PRR13: variants seen among roughly 807,000 people sequenced by gnomAD.
PRR13 encodes the protein proline rich 13, also known as proline-rich protein 13.
A neutral mutation model predicts 11.5 loss-of-function variants in PRR13; 7 were observed. That is an observed-to-expected ratio of 0.61 (90% CI 0.34 to 1.14). The LOEUF is 1.14. Ranked by LOEUF, PRR13 falls within the 50% of genes most tolerant of loss-of-function variation. PRR13 has a pLI of 0.03. For synonymous variants in PRR13, 53 were observed against 67.8 expected, an observed-to-expected ratio of 0.78 and a Z score of 1.07; for missense variants, 155 against 194.4, an observed-to-expected ratio of 0.80 and a Z score of 1.21.
chr12:53,443,475 C>G lies in PRR13; in HGVS notation c.104C>G (p.Pro35Arg), dbSNP rs1380823579. Residue 35 changes from proline to arginine, a missense_variant, in exon 3 of 4, where the codon CCC (proline) becomes CGC (arginine). Physicochemically the swap from Pro to Arg is moderately radical, Grantham distance 103. Transcript: ENST00000429243. ...NPAHPPPINP[P>R]FPPGPCPPPP... Reference sequence around the variant, plus strand: ...GCCCACCCACCACCTATTAATCCACCCTTTCCCCCAGGCCCCTGTCCTCCT... The same window carrying G: ...GCCCACCCACCACCTATTAATCCACGCTTTCCCCCAGGCCCCTGTCCTCCT... 6.9e-7 allele frequency: 1 copy of G among 1,450,520 alleles called. No homozygotes were observed. The highest frequency in any genetic ancestry group is 9.1e-7 in the Non-Finnish European group (1 of 1,097,700). The allele number at this position is 1,450,520 out of a possible 1,614,324, so 89.9% of individuals were successfully genotyped here.
At position 53,446,108 on chromosome 12, in the gene PRR13, A is replaced by G. The variant is rs754490693; in HGVS notation, c.*49A>G. On this transcript the variant is annotated 3_prime_UTR_variant, in exon 4 of 4. Coordinates refer to ENST00000429243, the MANE Select transcript of PRR13 (RefSeq NM_018457.4). Reference sequence around the variant, plus strand: ...CAAGTCTCACCAGTTCTGCTCTCCCATCAAGCTTCAGATGCCATGTTGTAC... The same window carrying G: ...CAAGTCTCACCAGTTCTGCTCTCCCGTCAAGCTTCAGATGCCATGTTGTAC... 7.5e-6 allele frequency: 12 copies of G among 1,610,350 alleles called. No homozygotes were observed. Among genetic ancestry groups the G allele is most frequent in the East Asian group, 6.7e-5 (3 of 44,870 alleles).
intron 2 of PRR13, 80 bp downstream of exon 2, chr12:53,442,813 C>T: frequency 3.4e-6 from 5 of 1,479,346 alleles, no homozygotes; most frequent in Non-Finnish European, 4.7e-6. Flanking sequence ...TATCAGCTCC[C>T]CTACCCCCGA....
intron 3 of PRR13, among the ~76,000 whole-genome samples, chr12:53,445,364 A>G (rs1000542752): frequency 1.3e-5 from 2 of 150,588 alleles, no homozygotes; most frequent in Non-Finnish European, 1.5e-5. Flanking sequence ...AAAAAAAAAA[A>G]GGTCTGAAGA....
chr12:53,443,277 G>T, intron 2 of PRR13, 114 bp from the exon 3 acceptor site: 3 of 1,146,742 alleles, frequency 2.6e-6, no homozygotes, highest in South Asian at 3.0e-5. Flanking sequence ...ATTCTTCTTT[G>T]TCATCTTTCC....
rs755065770 is a variant in PRR13, at chr12:53,443,555, C to T, written c.184C>T (p.Pro62Ser). 175 of 1,595,632 alleles carry T rather than the reference C, an allele frequency of 1.1e-4. No homozygotes were observed. Among genetic ancestry groups the T allele is most frequent in the South Asian group, 5.3e-4 (48 of 89,972 alleles). Residue 62 changes from proline to serine, a missense_variant, in exon 3 of 4, where the codon CCT becomes TCT. By Grantham distance (74) the Pro-to-Ser change is moderately conservative. Transcript: ENST00000429243. The stretch of plus-strand genomic sequence containing the variant: ...TTTCCCCCCAGGTGGGCCCCCTCAT[C>T]CTGTGCCACAGCCAGGGTATCCAGG... Reference protein sequence around the residue: ...PAFPPGGPPHPVPQPGYPGCQ... With the variant: ...PAFPPGGPPHSVPQPGYPGCQ...
intron 3 of PRR13, 100 bp downstream of exon 3, chr12:53,443,873 G>A (rs1302103733): frequency 2.2e-6 from 3 of 1,354,474 alleles, no homozygotes; most frequent in African/African-American, 1.5e-5. Context: ...GTGGACGTGA[G>A]GGATGACAAT....
chr12:53,443,547 C>T lies in PRR13; in HGVS notation c.176C>T (p.Pro59Leu). ...HGNPAFPPGGPPHPVPQPGYP... is the reference protein window; with the variant it reads ...HGNPAFPPGGLPHPVPQPGYP... ...AATCCAGCTTTCCCCCCAGGTGGGC[C>T]CCCTCATCCTGTGCCACAGCCAGGG... Residue 59 changes from proline to leucine, a missense_variant, in exon 3 of 4, where the codon CCC (proline) becomes CTC (leucine). Transcript: ENST00000429243. 2 of 1,578,150 alleles carry T rather than the reference C, an allele frequency of 1.3e-6. No homozygotes were observed. Among genetic ancestry groups the T allele is most frequent in the African/African-American group, 1.4e-5 (1 of 73,780 alleles).
In PRR13 at chr12:53,442,544, G is replaced by A. The variant is rs1940313975; in HGVS notation, c.-20-151G>A. ...AGGCGTGAGCCACCGCGCCCAGCCA[G>A]AAAAGAGACATTTCTTATGTGGAAG... On this transcript the variant is annotated intron_variant, in intron 1 of 3. Transcript: ENST00000429243. The A allele has an allele frequency of 1.9e-5, 13 of 672,748 alleles. No individual in the cohort carries two copies. The South Asian group carries it at 2.3e-4, about 12-fold the overall frequency. The allele number at this position is 672,748 out of a possible 1,614,324, so 41.7% of individuals were successfully genotyped here.
chr12:53,446,147 C>T lies in PRR13; in HGVS notation c.*88C>T. The T allele has an allele frequency of 6.3e-7, 1 of 1,597,318 alleles. No individual in the cohort carries two copies. On this transcript the variant is annotated 3_prime_UTR_variant, in exon 4 of 4. Transcript: ENST00000429243. ...GCCATGTTGTACTGGGGGAATGTAG[C>T]CCTTGTGCTCCCCACCCCCTACCTC...
chr12:53,442,821 C>T (rs1369498727), intron 2 of PRR13, 88 bp downstream of exon 2: 4 of 1,413,286 alleles, frequency 2.8e-6, no homozygotes, highest in Non-Finnish European at 4.0e-6. Context: ...CCCCTACCCC[C>T]GACCTGCTGT....
At chr12:53,445,117 C>T (rs920284445) in intron 3 of PRR13, among the ~76,000 whole-genome samples, 3 of 151,932 alleles carry the variant, frequency 2.0e-5, no homozygotes, top group Non-Finnish European at 4.4e-5. Context: ...TTTGGGATTC[C>T]GGGGCGGGCG....
chr12:53,444,518 A>T (rs1302931563), intron 3 of PRR13, among the ~76,000 whole-genome samples: 1 of 152,034 alleles, frequency 6.6e-6, no homozygotes, highest in Non-Finnish European at 1.5e-5. Context: ...TTTAGTAGAG[A>T]TGGGGTTTCA....
At chr12:53,445,883 C>T (rs1488810171) in intron 3 of PRR13, 132 bp from the exon 4 acceptor site, 3 of 1,343,122 alleles carry the variant, frequency 2.2e-6, no homozygotes, top group Non-Finnish European at 3.2e-6. Context: ...CTGTTCAAGA[C>T]TCCTGACCTT....
Position 53,442,714 on chromosome 12 carries a change from C to A in PRR13, c.-1C>A. On this transcript the variant is annotated 5_prime_UTR_variant, in exon 2 of 4. Transcript: ENST00000429243. ...CCTCAGGCTGGAGGACACACCTAAA[C>A]ATGTGGAATCCCAATGCCGGTAGGT... is the stretch of plus-strand genomic sequence containing the variant. The A allele has an allele frequency of 6.2e-7, 1 of 1,610,684 alleles. No individual in the cohort carries two copies. Among genetic ancestry groups the A allele is most frequent in the South Asian group, 1.1e-5 (1 of 90,996 alleles).
At chr12:53,441,991 T>G (rs1940301199) in intron 1 of PRR13, 199 bp downstream of exon 1, 2 of 606,370 alleles carry the variant, frequency 3.3e-6, no homozygotes, top group Non-Finnish European at 5.8e-6. Context: ...TTTTTTAGCC[T>G]GAGGTGGGGT....
Position 53,446,059 on chromosome 12 carries a change from A to G in PRR13, c.447A>G (p.Ter149TrpextTer29). 6.3e-7 allele frequency: 1 copy of G among 1,599,680 alleles called. No homozygotes were observed. The highest frequency in any genetic ancestry group is 8.5e-7 in the Non-Finnish European group (1 of 1,174,070). Residue 149 changes from the stop codon to tryptophan, a stop_lost, in exon 4 of 4, where the codon TGA (stop) becomes TGG (tryptophan). Transcript: ENST00000429243. ...SSSSSSSDSD[*>W] ...CCTCTTCCAGCAGTGATTCTGACTGAATACAGGCCCTGGACCCTTCCCTCA... is the reference window on the plus strand; with the variant it reads ...CCTCTTCCAGCAGTGATTCTGACTGGATACAGGCCCTGGACCCTTCCCTCA...
At chr12:53,442,786 A>G (rs911767822) in intron 2 of PRR13, 53 bp downstream of exon 2, 13 of 1,563,252 alleles carry the variant, frequency 8.3e-6, no homozygotes, top group African/African-American at 2.7e-5. Flanking sequence ...GATGGGCTCT[A>G]TAACAGGAAG....
chr12:53,444,550 C>G (rs918695148), intron 3 of PRR13, among the ~76,000 whole-genome samples: 4 of 152,164 alleles, frequency 2.6e-5, no homozygotes, highest in African/African-American at 9.7e-5. Flanking sequence ...AAGATGGTCT[C>G]GATCTCCTGA....
At chr12:53,444,223 GGGC>G (rs1383555553) in intron 3 of PRR13, 2 of 199,758 alleles carry the variant, frequency 1.0e-5, no homozygotes, top group African/African-American at 2.3e-5. Flanking sequence ...AGTGTTCTTA[GGGC>G]GTTGTGTTAA....
Sources: allele counts gnomAD v4.1 joint callset (sites outside exome capture counted in the v4.1 genomes callset), GRCh38; gene constraint gnomAD v4.1.1; transcripts MANE v1.5; gene names NCBI Gene and HGNC (gene_info 2026-07-23, HGNC 2026-07-21).